The following CD163L1 variants were observed in gnomAD, a reference collection of about 807,000 sequenced individuals.
CD163L1 encodes scavenger receptor cysteine-rich type 1 protein M160.
A neutral mutation model predicts 165.4 loss-of-function variants in CD163L1; 124 were observed. That is an observed-to-expected ratio of 0.75 (90% confidence interval 0.65 to 0.87). The LOEUF (loss-of-function observed/expected upper bound fraction) is 0.87, where lower values mean the gene tolerates loss of function less well. Among genes scored for constraint, CD163L1 ranks in the 40% least tolerant of loss-of-function variants. The probability of loss-of-function intolerance (pLI) is 0.00; values close to 1 mark genes in which losing one functional copy is unlikely to be tolerated. For synonymous variants in CD163L1, 585 were observed against 662.2 expected (o/e 0.88, Z 1.79); for missense variants, 1,525 against 1,799.9 (o/e 0.85, Z 2.76).
At chr12:7,323,261 C>A in the CD163L1 span, 1 of 1,610,346 alleles carries the variant, frequency 6.2e-7, no homozygotes, top group Admixed American at 1.7e-5. Context: ...TCAGAAAGGC[C>A]AAGAAATTAA....
At chr12:7,440,513 C>T (rs114721392) in intron 2 of CD163L1, among the ~76,000 whole-genome samples, 2 of 151,884 alleles carry the variant, frequency 1.3e-5, no homozygotes, top group African/African-American at 2.4e-5. Flanking sequence ...GTATTTAATT[C>T]TTTGATTTCT....
chr12:7,407,009 A>G (rs1948035980), intron 4 of CD163L1, among the ~76,000 whole-genome samples, 157 bp from the exon 5 acceptor site: 1 of 152,208 alleles, frequency 6.6e-6, no homozygotes, highest in South Asian at 2.1e-4. Flanking sequence ...AGTTTAATGT[A>G]ATAGAATCTA....
At chr12:7,414,879 G>A (rs2136559087) in intron 4 of CD163L1, among the ~76,000 whole-genome samples, 1 of 152,170 alleles carries the variant, frequency 6.6e-6, no homozygotes, top group Non-Finnish European at 1.5e-5. Flanking sequence ...TTTCAGAAAT[G>A]GAGAGATAAA....
In CD163L1 at chr12:7,396,159, G is replaced by T; in HGVS notation, c.1986C>A (p.Cys662Ter). 5 of 1,614,122 alleles carry T rather than the reference G, an allele frequency of 3.1e-6. No individual in the cohort carries two copies. Among genetic ancestry groups the T allele is most frequent in the Non-Finnish European group, 4.2e-6 (5 of 1,180,022 alleles). ...CDGDESDLWS[C>*]RNSGWGNNDC... Reference sequence around the variant, plus strand: ...CATTATTTCCCCACCCACTGTTCCTGCATGACCAGAGATCTGACTCATCTC... The same window carrying T: ...CATTATTTCCCCACCCACTGTTCCTTCATGACCAGAGATCTGACTCATCTC... Residue 662 changes from cysteine to a stop codon, truncating the protein, a stop_gained, in exon 8 of 20, where the codon TGC becomes TGA. Transcript: ENST00000313599. LOFTEE classifies it high-confidence loss of function.
chr12:7,331,193 A>C, the CD163L1 span, among the ~76,000 whole-genome samples: 1 of 152,248 alleles, frequency 6.6e-6, no homozygotes, highest in Non-Finnish European at 1.5e-5. Flanking sequence ...CATTGCTAGC[A>C]CAGCAGTCTG....
At chr12:7,341,827 G>A (rs1249194573), downstream of CD163L1, among the ~76,000 whole-genome samples, 1 of 152,144 alleles carries the variant, frequency 6.6e-6, no homozygotes, top group Non-Finnish European at 1.5e-5. Flanking sequence ...AATTACCTGT[G>A]ACATTACATT....
At chr12:7,403,375 T>C (rs11053695) in intron 6 of CD163L1, among the ~76,000 whole-genome samples, 160 bp downstream of exon 6, 1,893 of 152,296 alleles carry the variant, frequency 0.012, 47 homozygotes, top group African/African-American at 0.043. Flanking sequence ...AACTCTCTTT[T>C]TACAATGTGC....
intron 18 of CD163L1, among the ~76,000 whole-genome samples, chr12:7,360,584 G>A (rs2136383905): frequency 6.6e-6 from 1 of 152,000 alleles, no homozygotes; most frequent in East Asian, 1.9e-4. Context: ...CCTTTCTGTT[G>A]TTGAGGCAAT....
intron 9 of CD163L1, among the ~76,000 whole-genome samples, chr12:7,377,149 C>G (rs1326658172): frequency 6.6e-6 from 1 of 152,156 alleles, no homozygotes; most frequent in Non-Finnish European, 1.5e-5. Context: ...TAATCTTGCC[C>G]CAAGGCTTTT....
At chr12:7,324,688 A>G in the CD163L1 span, 5 of 1,386,522 alleles carry the variant, frequency 3.6e-6, no homozygotes, top group Admixed American at 7.8e-5. Context: ...AGAGAGGTCA[A>G]TCTATTAATT....
chr12:7,319,684 A>G, the CD163L1 span, among the ~76,000 whole-genome samples: 5 of 151,778 alleles, frequency 3.3e-5, no homozygotes, highest in Non-Finnish European at 4.4e-5. Flanking sequence ...CTAATAGGCC[A>G]CAAACAGAAA....
At chr12:7,345,132 C>T (rs11052218), downstream of CD163L1, among the ~76,000 whole-genome samples, 8,851 of 139,060 alleles carry the variant, frequency 0.064, 373 homozygotes, top group East Asian at 0.18. Flanking sequence ...ACTGATAATG[C>T]TTTTTTTTTT....
At chr12:7,325,680 C>T in the CD163L1 span, among the ~76,000 whole-genome samples, 6 of 152,188 alleles carry the variant, frequency 3.9e-5, no homozygotes, top group Admixed American at 3.9e-4. Flanking sequence ...AAACTGTGGC[C>T]AGGTTCCCAA....
chr12:7,338,515 C>G, the CD163L1 span, among the ~76,000 whole-genome samples: 4 of 152,248 alleles, frequency 2.6e-5, no homozygotes, highest in African/African-American at 9.6e-5. Context: ...ACTTAGATAA[C>G]ACTTTGCTGA....
chr12:7,436,810 T>A (rs1225453316), intron 2 of CD163L1, among the ~76,000 whole-genome samples: 1 of 152,054 alleles, frequency 6.6e-6, no homozygotes, highest in Admixed American at 6.5e-5. Context: ...CTGTGTCAGA[T>A]CTATGAAATG....
chr12:7,324,459 T>C, the CD163L1 span: 1 of 1,613,936 alleles, frequency 6.2e-7, no homozygotes, highest in Non-Finnish European at 8.5e-7. Context: ...GATCTCTAAC[T>C]TGGAGGATGT....
chr12:7,331,557 C>T, the CD163L1 span, among the ~76,000 whole-genome samples: 1 of 152,232 alleles, frequency 6.6e-6, no homozygotes, highest in East Asian at 1.9e-4. Flanking sequence ...TGACACCTCA[C>T]ACGTCCGGGT....
Position 7,375,064 on chromosome 12 carries a change from T to C in CD163L1, c.3002-141A>G, listed in dbSNP as rs141291853. ...CGTCTATTGAAATCATTTTTATTAA[T>C]GATGTCTACTCGTAAATCCCAAACA... On this transcript the variant is annotated intron_variant, in intron 11 of 19. Transcript: ENST00000313599. 21 of 879,034 alleles carry C rather than the reference T, an allele frequency of 2.4e-5. No homozygotes were observed. In the East Asian group the frequency reaches 5.2e-4, roughly 22 times the overall value. 54.5% of individuals were successfully genotyped at this position (879,034 alleles called of 1,614,324 possible).
At chr12:7,409,129 G>A (rs1163877229) in intron 4 of CD163L1, among the ~76,000 whole-genome samples, 1 of 152,142 alleles carries the variant, frequency 6.6e-6, no homozygotes, top group Non-Finnish European at 1.5e-5. Flanking sequence ...TATTTTAAAA[G>A]AGACAGTCAA....
Sources: allele counts gnomAD v4.1 joint callset (sites outside exome capture counted in the v4.1 genomes callset), GRCh38; gene constraint gnomAD v4.1.1; transcripts MANE v1.5; gene names NCBI Gene and HGNC (gene_info 2026-07-23, HGNC 2026-07-21).